PDE10A: variants seen among roughly 807,000 people sequenced by gnomAD.
PDE10A encodes cAMP and cAMP-inhibited cGMP 3',5'-cyclic phosphodiesterase 10A.
In PDE10A, 39 loss-of-function variants were observed where a neutral mutation model predicts 97.7. That is an observed-to-expected ratio of 0.40 (90% CI 0.31 to 0.52). The LOEUF (loss-of-function observed/expected upper bound fraction) is 0.52, where lower values mean the gene tolerates loss of function less well. Ranked by LOEUF, PDE10A falls within the 20% of genes least tolerant of loss-of-function variation. The pLI is 0.56. For synonymous variants in PDE10A, 371 were observed against 376.8 expected (o/e 0.98, Z 0.18); for missense variants, 731 against 1,047.8 (o/e 0.70, Z 4.17).
chr6:165,900,719 A>G (rs1782080035), intron 1 of PDE10A, among the ~76,000 whole-genome samples: 1 of 152,234 alleles, frequency 6.6e-6, no homozygotes, highest in Admixed American at 6.5e-5. Flanking sequence ...CAAATCAGAG[A>G]CAAAGTTTAC....
intron 20 of PDE10A, among the ~76,000 whole-genome samples, chr6:165,336,573 C>A (rs990662527): frequency 1.5e-4 from 22 of 151,396 alleles, no homozygotes; most frequent in African/African-American, 5.3e-4. Context: ...CAAGGTGAAA[C>A]CCCGTCTCTA....
intron 1 of PDE10A, among the ~76,000 whole-genome samples, chr6:165,584,555 C>G (rs1397940003): frequency 6.6e-6 from 1 of 151,728 alleles, no homozygotes; most frequent in African/African-American, 2.4e-5. Context: ...GAGCCAGCAC[C>G]ATTTTGTGTC....
intron 5 of PDE10A, among the ~76,000 whole-genome samples, chr6:165,441,802 G>C (rs1221223330): frequency 5.3e-5 from 8 of 152,116 alleles, no homozygotes; most frequent in Admixed American, 5.2e-4. Context: ...ACAGTCAGAT[G>C]AATCAATGCC....
intron 1 of PDE10A, among the ~76,000 whole-genome samples, chr6:165,827,396 C>T (rs1359741003): frequency 6.6e-6 from 1 of 152,192 alleles, no homozygotes; most frequent in Non-Finnish European, 1.5e-5. Flanking sequence ...CCGAACTCTC[C>T]CAGAAGAACT....
chr6:165,812,430 G>C (rs1468006503), intron 1 of PDE10A, among the ~76,000 whole-genome samples: 3 of 139,908 alleles, frequency 2.1e-5, no homozygotes, highest in African/African-American at 7.6e-5. Flanking sequence ...GAACTTGGAG[G>C]CAGAAAAAAA....
intron 1 of PDE10A, among the ~76,000 whole-genome samples, chr6:165,684,672 C>G (rs181168467): frequency 6.6e-6 from 1 of 152,166 alleles, no homozygotes; most frequent in African/African-American, 2.4e-5. Context: ...CTTCAAGAAC[C>G]TCTATTTGGG....
chr6:165,512,474 T>C (rs1213349668), intron 2 of PDE10A, among the ~76,000 whole-genome samples: 2 of 152,012 alleles, frequency 1.3e-5, no homozygotes, highest in Non-Finnish European at 2.9e-5. Context: ...GAATATATCA[T>C]TCTACTCTCT....
chr6:165,354,275 A>G (rs550319143), intron 18 of PDE10A, among the ~76,000 whole-genome samples: 1 of 152,332 alleles, frequency 6.6e-6, no homozygotes. Context: ...ATAATTTTGG[A>G]GAAGTATCCT....
In PDE10A at chr6:165,329,379, T is replaced by A. The variant is rs1450117326; in HGVS notation, c.*3646A>T. On this transcript the variant is annotated 3_prime_UTR_variant, in exon 22 of 22. Coordinates refer to ENST00000539869, the MANE Select transcript of PDE10A (RefSeq NM_001385079.1). The stretch of plus-strand genomic sequence containing the variant: ...AATGAATTGTGCGTTCCTGCAAATA[T>A]TTTCAATTATACTTAAGCAAGAAAA... The A allele has an allele frequency of 6.6e-6, 1 of 152,178 alleles. No individual in the cohort carries two copies. Among genetic ancestry groups the A allele is most frequent in the Non-Finnish European group, 1.5e-5 (1 of 68,024 alleles). 9.4% of individuals were successfully genotyped at this position (152,178 alleles called of 1,614,324 possible).
intron 16 of PDE10A, among the ~76,000 whole-genome samples, chr6:165,390,861 G>C (rs113353666): frequency 0.01 from 1,537 of 152,246 alleles, 50 homozygotes; most frequent in South Asian, 0.08. Context: ...ACCCCATGAA[G>C]TATCATGTTA....
chr6:165,843,038 C>A (rs1479517815), intron 1 of PDE10A, among the ~76,000 whole-genome samples: 4 of 152,154 alleles, frequency 2.6e-5, no homozygotes, highest in Non-Finnish European at 5.9e-5. Context: ...GTGAAGAAGG[C>A]CGTAGCACAA....
chr6:165,657,795 C>T (rs886790279), intron 1 of PDE10A, among the ~76,000 whole-genome samples: 1 of 152,332 alleles, frequency 6.6e-6, no homozygotes, highest in African/African-American at 2.4e-5. Context: ...TTAAACAGCT[C>T]TGCCCTTTGG....
In PDE10A at chr6:165,855,034, CATGA is replaced by C. The variant is rs1480203487; in HGVS notation, c.-615+132491_-615+132494del. On this transcript the variant is annotated intron_variant, in intron 1 of 19. Coordinates refer to the PDE10A transcript ENST00000366882. ...GAATGAATGAATGAATGAATGAATG[CATGA>C]ATGAATGAAGAGGGAAGGAGGACGG... Among the ~76,000 whole-genome samples, 113 of 114,312 alleles carry C rather than the reference CATGA, an allele frequency of 9.9e-4. 1 individual carries two copies. The highest frequency in any genetic ancestry group is 4.9e-3 in the Middle Eastern group (1 of 204). 75.0% of individuals were successfully genotyped at this position (114,312 alleles called of 152,430 possible). A position where few individuals can be genotyped will look rare whatever the true frequency, so the allele number is the denominator to read the frequency against.
At chr6:165,978,656 T>TA (rs1784917753) in intron 1 of PDE10A, among the ~76,000 whole-genome samples, 1 of 152,086 alleles carries the variant, frequency 6.6e-6, no homozygotes, top group Admixed American at 6.5e-5. Flanking sequence ...TTTTTTAGAT[T>TA]AAAAAAATGA....
At chr6:165,380,782 C>T (rs1784881680) in intron 17 of PDE10A, among the ~76,000 whole-genome samples, 1 of 152,186 alleles carries the variant, frequency 6.6e-6, no homozygotes, top group Admixed American at 6.5e-5. Context: ...CCAAGCTCGA[C>T]TCTCTTCAAT....
rs139627446 is a variant in PDE10A at position 165,504,634 on chromosome 6, CAGTA to C, written c.995-22295_995-22292del. Among the ~76,000 whole-genome samples, 80 of 152,202 alleles carry C rather than the reference CAGTA, an allele frequency of 5.3e-4. 1 individual carries two copies. Among genetic ancestry groups the C allele is most frequent in the African/African-American group, 1.9e-3 (78 of 41,522 alleles). Reference sequence around the variant, plus strand: ...TGCAGCTGATTTTTCAAATGTTTCTCAGTAAGACTGGTTTTTATTTCCAAGTAAG... The same window carrying C: ...TGCAGCTGATTTTTCAAATGTTTCTCAGACTGGTTTTTATTTCCAAGTAAG... On this transcript the variant is annotated intron_variant, in intron 2 of 21. Coordinates refer to ENST00000539869, the MANE Select transcript of PDE10A (RefSeq NM_001385079.1).
At chr6:165,986,500 CCTCT>C (rs1353099002) in intron 1 of PDE10A, 3 of 130,530 alleles carry the variant, frequency 2.3e-5, no homozygotes, top group South Asian at 2.8e-4. Context: ...TGGTGTTGCG[CCTCT>C]CTCTCTCTGT....
chr6:165,792,437 A>G (rs975751781), intron 1 of PDE10A, among the ~76,000 whole-genome samples: 1 of 152,160 alleles, frequency 6.6e-6, no homozygotes, highest in South Asian at 2.1e-4. Context: ...CAAAGCTGCT[A>G]GTCACCTCGG....
intron 1 of PDE10A, among the ~76,000 whole-genome samples, chr6:165,770,214 A>C (rs188193297): frequency 1.5e-4 from 23 of 151,066 alleles, no homozygotes; most frequent in African/African-American, 4.9e-4. Context: ...TATGAGTTCC[A>C]TGAAGTTTCT....
Sources: gnomAD v4.1 joint callset for allele counts (sites outside exome capture counted in the v4.1 genomes callset) on GRCh38, gnomAD v4.1.1 for gene constraint, MANE v1.5 for transcripts, NCBI Gene and HGNC (gene_info 2026-07-23, HGNC 2026-07-21) for gene names.